The following NBPF26 variants were observed in gnomAD, a reference collection of about 807,000 sequenced individuals.
NBPF26 encodes the protein NBPF member 26, also known as NBPF family member NBPF26.
In NBPF26, 79 loss-of-function variants were observed where a neutral mutation model predicts 119.6. That is an observed-to-expected ratio of 0.66 (90% CI 0.55 to 0.80). The LOEUF (loss-of-function observed/expected upper bound fraction) is 0.80. NBPF26 is among the 30% of genes least tolerant of loss of function. NBPF26 has a pLI of 0.00. For synonymous variants in NBPF26, 299 were observed against 457.7 expected, an observed-to-expected ratio of 0.65 and a Z score of 4.43; for missense variants, 800 against 1,198.2, an observed-to-expected ratio of 0.67 and a Z score of 4.91.
Position 120,806,008 on chromosome 1 carries a change from A to G in NBPF26, c.961+243A>G, listed in dbSNP as rs1376928468. On this transcript the variant is annotated intron_variant, in intron 5 of 29. Transcript: ENST00000620612. ...GTTAAACTCACAGTTATTGATTTCT[A>G]ACACAGGCACAGAATGACCTGTTTT... Among the ~76,000 whole-genome samples, 4 of 109,676 alleles carry G rather than the reference A, an allele frequency of 3.6e-5. 1 individual carries two copies. The highest frequency in any genetic ancestry group is 7.1e-5 in the Non-Finnish European group (4 of 56,554). 72.0% of individuals were successfully genotyped at this position (109,676 alleles called of 152,430 possible). A position where few individuals can be genotyped will look rare whatever the true frequency, so the allele number is the denominator to read the frequency against.
chr1:120,840,375 G>A, exon 30 of NBPF26: 2 of 1,460,428 alleles, frequency 1.4e-6, no homozygotes, highest in South Asian at 1.2e-5. Context: ...GATGGAAGTG[G>A]AAGAGCCTGA....
exon 5 of NBPF26, chr1:120,805,594 G>A (rs1174146862): frequency 6.9e-7 from 1 of 1,459,592 alleles, no homozygotes; most frequent in Non-Finnish European, 9.3e-7. Context: ...CGTCAGCATG[G>A]TGGTATCAGC....
Position 120,811,740 on chromosome 1 carries a change from T to A in NBPF26, c.1565-146T>A, listed in dbSNP as rs1419962248. The A allele has an allele frequency of 3.6e-6, 2 of 557,032 alleles. 1 individual carries two copies. 34.5% of individuals were successfully genotyped at this position (557,032 alleles called of 1,614,324 possible). A position where few individuals can be genotyped will look rare whatever the true frequency, so the allele number is the denominator to read the frequency against. On this transcript the variant is annotated intron_variant, in intron 9 of 29. Coordinates refer to ENST00000620612, the Ensembl canonical transcript of NBPF26. ...CTAAGACAAGTTGACTTAAAGGAGATCAAGACTGGAGATGACAAGAGTGAA... is the reference window on the plus strand; with the variant it reads ...CTAAGACAAGTTGACTTAAAGGAGAACAAGACTGGAGATGACAAGAGTGAA...
Position 120,804,766 on chromosome 1 carries a change from G to C in NBPF26, c.752-790G>C, listed in dbSNP as rs1388552849. ...CTAGAATGTAATGAAAACCCAAGAA[G>C]GTGCCCCAGTAAGAAAGAAGAAATC... On this transcript the variant is annotated intron_variant, in intron 4 of 29. Transcript: ENST00000620612. Among the ~76,000 whole-genome samples, 3 of 116,950 alleles carry C rather than the reference G, an allele frequency of 2.6e-5. 1 individual carries two copies. The highest frequency in any genetic ancestry group is 1.5e-4 in the African/African-American group (3 of 20,324). 76.7% of individuals were successfully genotyped at this position (116,950 alleles called of 152,430 possible). A position where few individuals can be genotyped will look rare whatever the true frequency, so the allele number is the denominator to read the frequency against.
chr1:120,785,188 C>A, exon 3 of NBPF26: 1 of 1,445,306 alleles, frequency 6.9e-7, no homozygotes, highest in South Asian at 1.2e-5. Flanking sequence ...ATGCCATATG[C>A]TCAGCCGGGA....
In NBPF26 at chr1:120,814,496, T is replaced by C. The variant is rs1289703587; in HGVS notation, c.1878-333T>C. Among the ~76,000 whole-genome samples the C allele has an allele frequency of 1.3e-3, 148 of 112,974 alleles. 23 individuals carry two copies. The South Asian group carries it at 0.014, about 11-fold the overall frequency. The allele number at this position is 112,974 out of a possible 152,430, so 74.1% of individuals were successfully genotyped here. On this transcript the variant is annotated intron_variant, in intron 11 of 29. Coordinates refer to ENST00000620612, the Ensembl canonical transcript of NBPF26. The stretch of plus-strand genomic sequence containing the variant: ...TATCTAGTGGCCGCAAGATGCACTA[T>C]GTGTATTTTCACATGGAAATGTCCA...
At chr1:120,784,061 G>C (rs1651395124) in intron 2 of NBPF26, among the ~76,000 whole-genome samples, 1 of 116,620 alleles carries the variant, frequency 8.6e-6, no homozygotes, top group East Asian at 2.1e-4. Context: ...TTAGGCTACA[G>C]TCATAGAAGG....
At chr1:120,805,902 A>G in intron 5 of NBPF26, 137 bp downstream of exon 5, 4 of 666,590 alleles carry the variant, frequency 6.0e-6, no homozygotes, top group Non-Finnish European at 9.3e-6. Flanking sequence ...GTATTTTAAC[A>G]TTTTGTTAAA....
At chr1:120,746,089 C>A (rs1336946773) in intron 1 of NBPF26, among the ~76,000 whole-genome samples, 1 of 7,134 alleles carries the variant, frequency 1.4e-4, no homozygotes, top group African/African-American at 1.4e-3. Flanking sequence ...TTAGTAGAGA[C>A]GTGGTTTCAC....
At chr1:120,823,882 A>C (rs1652194811) in intron 17 of NBPF26, 92 bp from the exon 18 acceptor site, 1 of 506,922 alleles carries the variant, frequency 2.0e-6, no homozygotes, top group South Asian at 1.8e-5. Context: ...TTTCTTTTCA[A>C]ACTCTTCCTT....
At chr1:120,733,200 C>T (rs1443893582) in intron 1 of NBPF26, among the ~76,000 whole-genome samples, 1 of 103,664 alleles carries the variant, frequency 9.6e-6, no homozygotes, top group Non-Finnish European at 1.8e-5. Flanking sequence ...ATTGTCAACA[C>T]TAGGTTTTAT....
chr1:120,818,684 C>G (rs1652064752), intron 15 of NBPF26, among the ~76,000 whole-genome samples: 1 of 124,854 alleles, frequency 8.0e-6, no homozygotes, highest in Admixed American at 7.8e-5. Context: ...TATGTTGTAT[C>G]TTTGTTCTCA....
intron 18 of NBPF26, among the ~76,000 whole-genome samples, chr1:120,825,224 G>A (rs1459671890): frequency 4.1e-5 from 5 of 122,788 alleles, no homozygotes; most frequent in East Asian, 2.0e-4. Flanking sequence ...TGTGTGTCCC[G>A]AGGGCACTAA....
rs1205288592 is a variant in NBPF26, at chr1:120,784,229, G to C, written c.156-745G>C. ...GAAATCAAACTTTATTAATACAGTAGGTCTAGTTTCACATAAAGCAAATAT... is the reference window on the plus strand; with the variant it reads ...GAAATCAAACTTTATTAATACAGTACGTCTAGTTTCACATAAAGCAAATAT... On this transcript the variant is annotated intron_variant, in intron 2 of 29. Transcript: ENST00000620612. 2.4e-4 allele frequency among the ~76,000 whole-genome samples: 28 copies of C among 118,544 alleles called. 5 individuals carry two copies. In the East Asian group the frequency reaches 3.0e-3, roughly 12 times the overall value. The allele number at this position is 118,544 out of a possible 152,430, so 77.8% of individuals were successfully genotyped here.
exon 2 of NBPF26, chr1:120,763,687 C>T: frequency 7.2e-7 from 1 of 1,393,728 alleles, no homozygotes. Context: ...TGTTACCTAC[C>T]ACAGTGGCAC....
rs1652496144 is a variant in NBPF26, at chr1:120,840,577, T to A, written c.4331T>A (p.Val1444Asp). 7 of 1,463,842 alleles carry A rather than the reference T, an allele frequency of 4.8e-6. 2 individuals carry two copies. In the Middle Eastern group the frequency reaches 7.1e-4, roughly 150 times the overall value. The allele number at this position is 1,463,842 out of a possible 1,614,324, so 90.7% of individuals were successfully genotyped here. A position where few individuals can be genotyped will look rare whatever the true frequency, so the allele number is the denominator to read the frequency against. The change falls in exon 30 of 30, where the codon GTC becomes GAC. Residue 1444 changes from valine (V) to aspartate (D), a missense_variant. Val to Asp is a radical substitution (Grantham distance 152). Coordinates refer to ENST00000620612, the Ensembl canonical transcript of NBPF26. Reference sequence around the variant, plus strand: ...CTCCACCTGGTGTTCCAGATGGGAGTCATATTCCCACAATAAGCAGCCCTT... The same window carrying A: ...CTCCACCTGGTGTTCCAGATGGGAGACATATTCCCACAATAAGCAGCCCTT...
intron 23 of NBPF26, among the ~76,000 whole-genome samples, chr1:120,833,371 CTG>C (rs1491208737): frequency 4.6e-5 from 3 of 65,222 alleles, no homozygotes; most frequent in East Asian, 6.8e-4. Context: ...CACTTTCTCT[CTG>C]TCTCTGTCTC....
chr1:120,807,602 C>G lies in NBPF26; in HGVS notation c.962-5C>G. 10 of 1,485,900 alleles carry G rather than the reference C, an allele frequency of 6.7e-6. 1 individual carries two copies. The highest frequency in any genetic ancestry group is 9.0e-6 in the Non-Finnish European group (10 of 1,109,860). The allele number at this position is 1,485,900 out of a possible 1,614,324, so 92.0% of individuals were successfully genotyped here. A position where few individuals can be genotyped will look rare whatever the true frequency, so the allele number is the denominator to read the frequency against. On this transcript the variant is annotated splice_region_variant and splice_polypyrimidine_tract_variant and intron_variant, in intron 5 of 29. Transcript: ENST00000620612. The stretch of plus-strand genomic sequence containing the variant: ...ACTGAGGCAGGTGTGTCTGTCTTTT[C>G]TCAGAGTATGAAGAGTGTAAAGACC...
rs1366652758 is a variant in NBPF26, at chr1:120,808,402, G to A, written c.1065-143G>A. ...AAACCATTTTCTATTCTTTCTCTTG[G>A]CCACAGACATTCCTTTCAACGTGTG... On this transcript the variant is annotated intron_variant, in intron 6 of 29. Transcript: ENST00000620612. 198 of 704,370 alleles carry A rather than the reference G, an allele frequency of 2.8e-4. 15 individuals are homozygous for A. The highest frequency in any genetic ancestry group is 3.9e-4 in the Non-Finnish European group (165 of 424,544). 43.6% of individuals were successfully genotyped at this position (704,370 alleles called of 1,614,324 possible). A position where few individuals can be genotyped will look rare whatever the true frequency, so the allele number is the denominator to read the frequency against.
Sources: allele counts gnomAD v4.1 joint callset (sites outside exome capture counted in the v4.1 genomes callset), GRCh38; gene constraint gnomAD v4.1.1; transcripts MANE v1.5; gene names NCBI Gene and HGNC (gene_info 2026-07-23, HGNC 2026-07-21).